ADGRV1: variants seen among roughly 807,000 people sequenced by gnomAD.
ADGRV1 encodes G-protein coupled receptor 98.
In ADGRV1, 359 loss-of-function variants were observed where a neutral mutation model predicts 596.2. The ratio of observed to expected loss-of-function variants is 0.60; its 90% CI spans 0.55 to 0.66. The LOEUF is 0.66. ADGRV1 is among the 30% of genes least tolerant of loss of function. The pLI, the probability that ADGRV1 is intolerant of heterozygous loss-of-function variation, is 0.00. For missense variants in ADGRV1, 7,274 were observed against 7,575.6 expected (o/e 0.96, Z 1.48); for synonymous variants, 2,681 against 2,679.2 (o/e 1.00, Z -0.02).
intron 1 of ADGRV1, among the ~76,000 whole-genome samples, chr5:90,581,418 G>T (rs1164618022): frequency 2.0e-5 from 3 of 152,158 alleles, no homozygotes; most frequent in Non-Finnish European, 4.4e-5. Context: ...CTTTGATGTT[G>T]GTGACCTACA....
intron 85 of ADGRV1, among the ~76,000 whole-genome samples, chr5:91,054,125 G>A (rs1033351813): frequency 1.3e-5 from 2 of 151,284 alleles, no homozygotes; most frequent in Admixed American, 1.3e-4. Context: ...GAGAGAGAGA[G>A]AGAGAGAGAC....
Position 91,125,857 on chromosome 5 carries a change from A to T in ADGRV1, c.18432+23517A>T, listed in dbSNP as rs75658297. Among the ~76,000 whole-genome samples, 464 of 152,344 alleles carry T rather than the reference A, an allele frequency of 3.0e-3. 2 individuals carry two copies. Among genetic ancestry groups the T allele is most frequent in the African/African-American group, 0.011 (452 of 41,572 alleles). ...CATGCAGTGATTATGTTCATATTTG[A>T]TACAGAGGGATCTTATTTCATTGTC... On this transcript the variant is annotated intron_variant, in intron 87 of 89. Transcript: ENST00000405460.
At chr5:90,687,525 C>T (rs1411575509) in intron 29 of ADGRV1, among the ~76,000 whole-genome samples, 2 of 152,110 alleles carry the variant, frequency 1.3e-5, no homozygotes, top group Non-Finnish European at 2.9e-5. Context: ...TCGTATTCAA[C>T]ATAGTGTTGG....
At chr5:90,577,861 T>G (rs967284316) in intron 1 of ADGRV1, among the ~76,000 whole-genome samples, 2 of 152,180 alleles carry the variant, frequency 1.3e-5, no homozygotes, top group African/African-American at 4.8e-5. Context: ...TCCTAGGTAT[T>G]TTATTCTCTT....
intron 34 of ADGRV1, among the ~76,000 whole-genome samples, chr5:90,697,708 T>A (rs1747374167): frequency 6.6e-6 from 1 of 152,186 alleles, no homozygotes; most frequent in Non-Finnish European, 1.5e-5. Context: ...GAATTCTTAC[T>A]TAATATTTTA....
intron 59 of ADGRV1, among the ~76,000 whole-genome samples, chr5:90,765,471 A>ACAG: frequency 8.8e-6 from 1 of 113,602 alleles, no homozygotes; most frequent in South Asian, 3.0e-4. Flanking sequence ...ACACACACAC[A>ACAG]AACTCTAGAT....
At chr5:90,666,203 T>G (rs1277407403) in intron 21 of ADGRV1, among the ~76,000 whole-genome samples, 1 of 151,424 alleles carries the variant, frequency 6.6e-6, no homozygotes, top group South Asian at 2.1e-4. Flanking sequence ...TGTCTAATGT[T>G]GACAGTGGGG....
chr5:91,096,318 C>T (rs1005610141), intron 86 of ADGRV1, among the ~76,000 whole-genome samples: 1 of 152,164 alleles, frequency 6.6e-6, no homozygotes, highest in African/African-American at 2.4e-5. Flanking sequence ...ACAGATAATA[C>T]AACACCATAC....
At chr5:91,104,005 T>C (rs2973453) in intron 87 of ADGRV1, among the ~76,000 whole-genome samples, 19,184 of 152,254 alleles carry the variant, frequency 0.13, 1,372 homozygotes, top group African/African-American at 0.2. Flanking sequence ...TTTCCATGCT[T>C]GGGATGCTGA....
chr5:90,723,573 G>A (rs1169948687), intron 45 of ADGRV1, among the ~76,000 whole-genome samples: 1 of 152,138 alleles, frequency 6.6e-6, no homozygotes, highest in African/African-American at 2.4e-5. Flanking sequence ...AGAAGGATTT[G>A]TCCATATGTC....
intron 85 of ADGRV1, among the ~76,000 whole-genome samples, chr5:90,998,728 C>T (rs76392284): frequency 0.2 from 30,248 of 151,998 alleles, 3,202 homozygotes; most frequent in East Asian, 0.38. Flanking sequence ...AAAAGATGCA[C>T]GTGTTTACAC....
At position 90,643,914 on chromosome 5, in the gene ADGRV1, A is replaced by G. The variant is rs756026622; in HGVS notation, c.2665A>G (p.Ile889Val). Reference protein sequence around the residue: ...TILKNDDPHGIIEFVSDGLIV... With the variant: ...TILKNDDPHGVIEFVSDGLIV... ...TCTGAAAAATGATGATCCTCATGGC[A>G]TTATAGAATTTGTTTCTGATGGTCT... The change falls in exon 14 of 90, where the codon ATT becomes GTT. Residue 889 changes from isoleucine to valine, a missense_variant. Ile to Val is a conservative substitution (Grantham distance 29). Transcript: ENST00000405460. 6.2e-7 allele frequency: 1 copy of G among 1,612,442 alleles called. No homozygotes were observed. The highest frequency in any genetic ancestry group is 1.7e-5 in the Admixed American group (1 of 59,880).
intron 50 of ADGRV1, among the ~76,000 whole-genome samples, chr5:90,730,497 A>T (rs1392121342): frequency 6.6e-6 from 1 of 152,202 alleles, no homozygotes; most frequent in South Asian, 2.1e-4. Context: ...TTCCATCTTC[A>T]TGAACTCTCC....
chr5:90,923,355 C>T (rs776289999), intron 83 of ADGRV1, among the ~76,000 whole-genome samples: 1 of 151,398 alleles, frequency 6.6e-6, no homozygotes, highest in Non-Finnish European at 1.5e-5. Context: ...CTATAAAATC[C>T]ACACAATTTA....
intron 4 of ADGRV1, among the ~76,000 whole-genome samples, chr5:90,619,959 C>A (rs1337350089): frequency 6.6e-6 from 1 of 152,022 alleles, no homozygotes; most frequent in African/African-American, 2.4e-5. Flanking sequence ...GCATAGTATT[C>A]CATGGTGTAT....
chr5:90,662,187 C>CTTTTTTTTTTT (rs5869513), intron 21 of ADGRV1, among the ~76,000 whole-genome samples: 1 of 130,868 alleles, frequency 7.6e-6, no homozygotes, highest in African/African-American at 2.9e-5. Context: ...GGTTAAACAA[C>CTTTTTTTTTTT]TTTTTTTTTT....
chr5:90,943,693 C>T (rs1776347260), intron 83 of ADGRV1, among the ~76,000 whole-genome samples: 13 of 152,202 alleles, frequency 8.5e-5, no homozygotes, highest in South Asian at 8.3e-4. Context: ...TGGCCTCCTT[C>T]TAGCTGCTGG....
chr5:90,822,165 A>T (rs1404717159), intron 75 of ADGRV1: 1 of 154,536 alleles, frequency 6.5e-6, no homozygotes, highest in African/African-American at 2.4e-5. Context: ...TTTGGGTGGG[A>T]GTGACCCGAT....
intron 43 of ADGRV1, among the ~76,000 whole-genome samples, chr5:90,718,699 T>C (rs950289609): frequency 1.3e-5 from 2 of 151,946 alleles, no homozygotes; most frequent in African/African-American, 4.8e-5. Flanking sequence ...TCTTGAAATA[T>C]ATATATAAAA....
Sources: allele counts gnomAD v4.1 joint callset (sites outside exome capture counted in the v4.1 genomes callset), GRCh38; gene constraint gnomAD v4.1.1; transcripts MANE v1.5; gene names NCBI Gene and HGNC (gene_info 2026-07-23, HGNC 2026-07-21).